The following MDFIC2 variants were observed in gnomAD, a reference collection of about 807,000 sequenced individuals.
The protein encoded by MDFIC2 is myoD family inhibitor domain-containing protein 2.
intron 2 of MDFIC2, among the ~76,000 whole-genome samples, chr3:70,296,946 G>T (rs1483790625): frequency 6.6e-6 from 1 of 151,686 alleles, no homozygotes; most frequent in Non-Finnish European, 1.5e-5. Flanking sequence ...CTGCCTCTCT[G>T]GTCTAGTTTA....
chr3:70,278,522 T>A (rs955997498), intron 2 of MDFIC2, among the ~76,000 whole-genome samples: 1 of 152,206 alleles, frequency 6.6e-6, no homozygotes, highest in Non-Finnish European at 1.5e-5. Context: ...CCGTCAAGAC[T>A]GTATGAGAGT....
intron 2 of MDFIC2, among the ~76,000 whole-genome samples, chr3:70,268,862 C>T (rs1180294620): frequency 6.6e-6 from 1 of 152,000 alleles, no homozygotes; most frequent in Middle Eastern, 3.2e-3. Context: ...TTTATAAAAT[C>T]TCAGTTTATG....
chr3:70,247,542 A>C (rs960444201), intron 2 of MDFIC2, among the ~76,000 whole-genome samples: 2 of 151,826 alleles, frequency 1.3e-5, no homozygotes, highest in Non-Finnish European at 2.9e-5. Flanking sequence ...TTTCTATATT[A>C]TACCAATTTT....
chr3:70,260,984 G>A (rs1047825619), intron 2 of MDFIC2, among the ~76,000 whole-genome samples: 3 of 152,150 alleles, frequency 2.0e-5, no homozygotes, highest in African/African-American at 7.2e-5. Flanking sequence ...TGCAGAACTT[G>A]TGGGCCCCAG....
At chr3:70,255,289 A>G (rs1275923520) in intron 2 of MDFIC2, among the ~76,000 whole-genome samples, 1 of 152,252 alleles carries the variant, frequency 6.6e-6, no homozygotes, top group Non-Finnish European at 1.5e-5. Context: ...ACTTCTATGA[A>G]AAAACATACA....
chr3:70,310,155 A>G (rs1356603136), intron 2 of MDFIC2, among the ~76,000 whole-genome samples: 1 of 152,018 alleles, frequency 6.6e-6, no homozygotes, highest in East Asian at 1.9e-4. Flanking sequence ...TATTTAAAAG[A>G]CCTTTTCAAA....
chr3:70,205,950 T>G (rs555912030), intron 3 of MDFIC2: 1 of 152,152 alleles, frequency 6.6e-6, no homozygotes, highest in East Asian at 1.9e-4. Flanking sequence ...TTTTGAACTT[T>G]GTTTGGCTGA....
intron 2 of MDFIC2, among the ~76,000 whole-genome samples, chr3:70,299,274 A>G (rs370446833): frequency 6.6e-6 from 1 of 152,086 alleles, no homozygotes; most frequent in South Asian, 2.1e-4. Context: ...AAAACATGCT[A>G]TTAAAATATT....
chr3:70,273,506 A>G (rs1231062514), intron 2 of MDFIC2, among the ~76,000 whole-genome samples: 2 of 152,224 alleles, frequency 1.3e-5, no homozygotes, highest in African/African-American at 4.8e-5. Context: ...AGTAAACTCC[A>G]GATAATACAG....
At chr3:70,309,789 A>T (rs931624267) in intron 2 of MDFIC2, among the ~76,000 whole-genome samples, 2 of 152,240 alleles carry the variant, frequency 1.3e-5, no homozygotes, top group African/African-American at 2.4e-5. Context: ...TATAGTAAAC[A>T]TAATTCGAGT....
chr3:70,226,316 G>A (rs2037387274), intron 2 of MDFIC2, among the ~76,000 whole-genome samples: 1 of 152,154 alleles, frequency 6.6e-6, no homozygotes, highest in South Asian at 2.1e-4. Flanking sequence ...CATTTTAATA[G>A]CATGTGATGA....
intron 3 of MDFIC2, among the ~76,000 whole-genome samples, chr3:70,203,020 AG>A (rs1217525098): frequency 3.3e-5 from 5 of 152,006 alleles, no homozygotes; most frequent in Admixed American, 2.0e-4. Flanking sequence ...AGGAGGTGGG[AG>A]GGATAAGAGC....
At chr3:70,222,130 C>G (rs1029001889) in intron 2 of MDFIC2, among the ~76,000 whole-genome samples, 1 of 152,162 alleles carries the variant, frequency 6.6e-6, no homozygotes, top group African/African-American at 2.4e-5. Flanking sequence ...CACAGCTTCT[C>G]CCTGTCTCCC....
chr3:70,240,985 C>T (rs1403608329), intron 2 of MDFIC2, among the ~76,000 whole-genome samples: 2 of 152,142 alleles, frequency 1.3e-5, no homozygotes, highest in Admixed American at 6.5e-5. Flanking sequence ...CTTGGCCTTT[C>T]ACAGTCAAGG....
chr3:70,293,070 A>T (rs1702254330), intron 2 of MDFIC2, among the ~76,000 whole-genome samples: 1 of 144,170 alleles, frequency 6.9e-6, no homozygotes, highest in Non-Finnish European at 1.5e-5. Flanking sequence ...AAAAAAAAAA[A>T]AGTAGCATAT....
intron 2 of MDFIC2, among the ~76,000 whole-genome samples, chr3:70,287,010 C>A (rs977052508): frequency 6.7e-5 from 10 of 149,278 alleles, no homozygotes; most frequent in Non-Finnish European, 1.3e-4. Flanking sequence ...CAAACAGGGA[C>A]AATTTGACTT....
intron 2 of MDFIC2, among the ~76,000 whole-genome samples, chr3:70,289,983 A>G (rs1001650435): frequency 3.3e-5 from 5 of 152,102 alleles, no homozygotes; most frequent in African/African-American, 1.2e-4. Flanking sequence ...CAAAGTTTTC[A>G]ACTTCTTTGC....
chr3:70,295,871 C>T (rs968161335), intron 2 of MDFIC2, among the ~76,000 whole-genome samples: 6 of 152,054 alleles, frequency 3.9e-5, no homozygotes, highest in Non-Finnish European at 8.8e-5. Flanking sequence ...TAGAAATGTG[C>T]CTCCCACTTG....
chr3:70,275,510 C>T (rs111909333), intron 2 of MDFIC2, among the ~76,000 whole-genome samples: 2 of 152,218 alleles, frequency 1.3e-5, no homozygotes, highest in African/African-American at 4.8e-5. Flanking sequence ...AAGCAAGACC[C>T]TGTCTCAAAA....
Sources: allele counts gnomAD v4.1 joint callset (sites outside exome capture counted in the v4.1 genomes callset), GRCh38; gene constraint gnomAD v4.1.1; transcripts MANE v1.5; gene names NCBI Gene and HGNC (gene_info 2026-07-23, HGNC 2026-07-21).